Variants in CFAP20DC observed in about 807,000 individuals in gnomAD.
CFAP20DC encodes CFAP20 domain containing.
In CFAP20DC, 84 loss-of-function variants were observed where a neutral mutation model predicts 101.7. That is an observed-to-expected ratio of 0.83 (90% CI 0.69 to 0.99). CFAP20DC has a LOEUF of 0.99. CFAP20DC is among the 50% of genes least tolerant of loss of function. CFAP20DC has a pLI of 0.00. For missense variants in CFAP20DC, 1,007 were observed against 970.3 expected (o/e 1.04, Z -0.50); for synonymous variants, 359 against 351.2 (o/e 1.02, Z -0.25).
At chr3:58,842,287 G>A (rs949397026) in intron 13 of CFAP20DC, among the ~76,000 whole-genome samples, 1 of 152,162 alleles carries the variant, frequency 6.6e-6, no homozygotes, top group Non-Finnish European at 1.5e-5. Context: ...CCAGACAGTG[G>A]GCGCAGGCCA....
chr3:59,013,160 A>T (rs749013711), intron 4 of CFAP20DC, among the ~76,000 whole-genome samples: 4 of 152,160 alleles, frequency 2.6e-5, no homozygotes, highest in Admixed American at 6.6e-5. Flanking sequence ...TTCATCGATC[A>T]TTGCTAGGTT....
At chr3:58,939,124 C>T (rs2088137353) in intron 4 of CFAP20DC, among the ~76,000 whole-genome samples, 1 of 152,034 alleles carries the variant, frequency 6.6e-6, no homozygotes, top group Non-Finnish European at 1.5e-5. Context: ...CACCTCATCC[C>T]CTTAAAATGT....
intron 4 of CFAP20DC, among the ~76,000 whole-genome samples, chr3:59,035,068 T>C (rs935573497): frequency 9.2e-5 from 14 of 152,162 alleles, no homozygotes; most frequent in Non-Finnish European, 1.6e-4. Flanking sequence ...ACATGGAAAC[T>C]GAACAACCTG....
At chr3:58,802,969 G>A (rs545371933) in intron 15 of CFAP20DC, among the ~76,000 whole-genome samples, 1 of 150,852 alleles carries the variant, frequency 6.6e-6, no homozygotes, top group African/African-American at 2.4e-5. Flanking sequence ...GAGTGAGACT[G>A]TCTCCAAAAA....
chr3:58,753,210 T>C (rs965502689), intron 16 of CFAP20DC, among the ~76,000 whole-genome samples: 2 of 152,208 alleles, frequency 1.3e-5, no homozygotes, highest in Non-Finnish European at 2.9e-5. Context: ...TAATACCTAT[T>C]GTAGCTACGT....
intron 15 of CFAP20DC, among the ~76,000 whole-genome samples, chr3:58,758,690 C>CCCCT (rs1419699341): frequency 6.6e-6 from 1 of 152,108 alleles, no homozygotes; most frequent in Non-Finnish European, 1.5e-5. Flanking sequence ...CCTCCCCCTT[C>CCCCT]CCCTCACCCA....
chr3:58,870,894 CAAAAAAAAAA>C lies in CFAP20DC; in HGVS notation c.716-595_716-586del, dbSNP rs548763648. ...TGGGCGACAGAGCGAGACTCCGTCT[CAAAAAAAAAA>C]AAAAAAAAAAAAAAAAAAAAGAAAA... is the stretch of plus-strand genomic sequence containing the variant. On this transcript the variant is annotated intron_variant, in intron 7 of 16. Coordinates refer to ENST00000482387, the MANE Select transcript of CFAP20DC (RefSeq NM_001394063.1). Among the ~76,000 whole-genome samples, 65 of 18,944 alleles carry C rather than the reference CAAAAAAAAAA, an allele frequency of 3.4e-3. 1 individual carries two copies. The highest frequency in any genetic ancestry group is 4.6e-3 in the East Asian group (3 of 658). 12.4% of individuals were successfully genotyped at this position (18,944 alleles called of 152,430 possible).
intron 5 of CFAP20DC, among the ~76,000 whole-genome samples, chr3:58,932,992 A>T (rs1199597392): frequency 6.6e-6 from 1 of 152,146 alleles, no homozygotes; most frequent in African/African-American, 2.4e-5. Context: ...TTGGATAGAG[A>T]CAAGACCCAT....
chr3:58,768,725 G>T (rs1441202715), intron 15 of CFAP20DC, among the ~76,000 whole-genome samples: 2 of 152,108 alleles, frequency 1.3e-5, no homozygotes, highest in Non-Finnish European at 2.9e-5. Flanking sequence ...AGCATTTTTT[G>T]TATCTTTCCC....
chr3:58,886,435 G>GT (rs1166573091), intron 6 of CFAP20DC, among the ~76,000 whole-genome samples: 1 of 152,068 alleles, frequency 6.6e-6, no homozygotes, highest in Non-Finnish European at 1.5e-5. Flanking sequence ...TTTATAAAAT[G>GT]TATGAATGGG....
At position 58,937,748 on chromosome 3, in the gene CFAP20DC, C is replaced by A; in HGVS notation, c.293G>T (p.Gly98Val). ...TAAATATAATCTTCTTTTGATGTTC[C>A]CTAAATCAGTAATTCTGAAAACATG... ...FSTELLITDL[G>V]NIKRRLYLST... is the part of the protein sequence containing the mutation. Residue 98 changes from glycine (G) to valine (V), a missense_variant, in exon 5 of 17, where the codon GGG becomes GTG. Gly to Val is a moderately radical substitution (Grantham distance 109). Coordinates refer to ENST00000482387, the MANE Select transcript of CFAP20DC (RefSeq NM_001394063.1). 6.3e-7 allele frequency: 1 copy of A among 1,587,008 alleles called. No individual in the cohort carries two copies. Among genetic ancestry groups the A allele is most frequent in the South Asian group, 1.1e-5 (1 of 90,152 alleles).
At chr3:58,981,296 G>T (rs568437059) in intron 4 of CFAP20DC, among the ~76,000 whole-genome samples, 1 of 152,126 alleles carries the variant, frequency 6.6e-6, no homozygotes, top group African/African-American at 2.4e-5. Flanking sequence ...GTAATTTATA[G>T]ATTCAATGCC....
intron 13 of CFAP20DC, among the ~76,000 whole-genome samples, chr3:58,835,940 T>C (rs907438548): frequency 2.6e-5 from 4 of 152,332 alleles, no homozygotes; most frequent in African/African-American, 9.6e-5. Flanking sequence ...AAATGTTATG[T>C]ATAATTCAAT....
chr3:58,935,939 G>A lies in CFAP20DC; in HGVS notation c.393+1709C>T, dbSNP rs1368291040. On this transcript the variant is annotated intron_variant, in intron 5 of 16. Coordinates refer to ENST00000482387, the MANE Select transcript of CFAP20DC (RefSeq NM_001394063.1). ...TTGACAAATTGGATCTAATTAAACTGAAGAGCTTCTGCACAGCAAAAGAAA... is the reference window on the plus strand; with the variant it reads ...TTGACAAATTGGATCTAATTAAACTAAAGAGCTTCTGCACAGCAAAAGAAA... Among the ~76,000 whole-genome samples, 1,458 of 151,666 alleles carry A rather than the reference G, an allele frequency of 9.6e-3. 25 individuals carry two copies. Among genetic ancestry groups the A allele is most frequent in the African/African-American group, 0.033 (1,373 of 41,264 alleles).
chr3:58,853,763 G>A (rs1032947777), intron 12 of CFAP20DC, among the ~76,000 whole-genome samples: 1 of 152,090 alleles, frequency 6.6e-6, no homozygotes, highest in African/African-American at 2.4e-5. Flanking sequence ...ATGCAGAAAA[G>A]GCCTTAGACA....
At chr3:58,956,056 T>C (rs1576474813) in intron 4 of CFAP20DC, among the ~76,000 whole-genome samples, 1 of 151,366 alleles carries the variant, frequency 6.6e-6, no homozygotes, top group East Asian at 2.0e-4. Context: ...CATACTACAC[T>C]GAGGGCCTAA....
chr3:58,826,374 CAT>C (rs1263024136), intron 14 of CFAP20DC, among the ~76,000 whole-genome samples: 2 of 152,102 alleles, frequency 1.3e-5, no homozygotes, highest in Non-Finnish European at 2.9e-5. Flanking sequence ...CATAGGTACA[CAT>C]GTGTCATGGT....
intron 4 of CFAP20DC, among the ~76,000 whole-genome samples, chr3:58,998,472 C>T (rs191253603): frequency 1.3e-5 from 2 of 152,306 alleles, no homozygotes; most frequent in African/African-American, 2.4e-5. Flanking sequence ...AACAAAACAA[C>T]TGATGCTTTA....
chr3:58,789,670 A>G (rs1356089443), intron 15 of CFAP20DC, among the ~76,000 whole-genome samples: 1 of 152,188 alleles, frequency 6.6e-6, no homozygotes. Flanking sequence ...CACTTCAGTT[A>G]ATGAAAAATA....
Sources: allele counts gnomAD v4.1 joint callset (sites outside exome capture counted in the v4.1 genomes callset), GRCh38; gene constraint gnomAD v4.1.1; transcripts MANE v1.5; gene names NCBI Gene and HGNC (gene_info 2026-07-23, HGNC 2026-07-21).